PLEKHD1: variants seen among roughly 807,000 people sequenced by gnomAD.
The protein encoded by PLEKHD1 is pleckstrin homology and coiled-coil domain containing D1, also known as pleckstrin homology domain-containing family D member 1.
Under a neutral mutation model 69.2 loss-of-function variants are expected in PLEKHD1, and 51 were observed. That is an observed-to-expected ratio of 0.74 (90% CI 0.59 to 0.93). The LOEUF (loss-of-function observed/expected upper bound fraction) is 0.93, where lower values mean the gene tolerates loss of function less well. Ranked by LOEUF, PLEKHD1 falls within the 40% of genes least tolerant of loss-of-function variation. The pLI is 0.00. For missense variants in PLEKHD1, 584 were observed against 641.0 expected (o/e 0.91, Z 0.96); for synonymous variants, 236 against 244.7 (o/e 0.96, Z 0.33).
At chr14:69,503,089 G>A in intron 6 of PLEKHD1, 2 of 575,720 alleles carry the variant, frequency 3.5e-6, no homozygotes, top group Non-Finnish European at 6.2e-6. Context: ...CAACCCCTGG[G>A]AGTAAAGTGA....
intron 6 of PLEKHD1, among the ~76,000 whole-genome samples, chr14:69,511,064 G>C (rs896214175): frequency 6.6e-6 from 1 of 152,140 alleles, no homozygotes; most frequent in South Asian, 2.1e-4. Flanking sequence ...TTCAAATATT[G>C]AACCAGCCTT....
At chr14:69,516,021 TATTTA>T (rs1883377204) in intron 6 of PLEKHD1, among the ~76,000 whole-genome samples, 1 of 152,266 alleles carries the variant, frequency 6.6e-6, no homozygotes, top group Non-Finnish European at 1.5e-5. Context: ...AAATTTATTT[TATTTA>T]GAGACAGGGT....
intron 6 of PLEKHD1, among the ~76,000 whole-genome samples, chr14:69,513,471 C>A (rs1004179530): frequency 1.3e-5 from 2 of 152,068 alleles, no homozygotes; most frequent in East Asian, 1.9e-4. Context: ...CTTATTTGAA[C>A]GCAGTTTGGA....
intron 6 of PLEKHD1, among the ~76,000 whole-genome samples, chr14:69,511,522 C>T (rs185921721): frequency 2.6e-5 from 4 of 152,078 alleles, no homozygotes; most frequent in Admixed American, 1.3e-4. Context: ...ATGAAAGATA[C>T]TGGTCTGTAG....
intron 1 of PLEKHD1, among the ~76,000 whole-genome samples, chr14:69,498,709 G>A (rs1308379035): frequency 8.0e-5 from 12 of 150,222 alleles, no homozygotes; most frequent in East Asian, 2.0e-4. Context: ...GTGCAGTGGC[G>A]TGATCTTGGC....
chr14:69,522,829 A>G (rs1883549633), intron 7 of PLEKHD1, among the ~76,000 whole-genome samples: 1 of 152,136 alleles, frequency 6.6e-6, no homozygotes, highest in Non-Finnish European at 1.5e-5. Context: ...CATTATAATC[A>G]TCTACTGAAT....
the PLEKHD1 span, among the ~76,000 whole-genome samples, chr14:69,471,790 C>T: frequency 5.9e-5 from 9 of 152,160 alleles, no homozygotes; most frequent in East Asian, 3.9e-4. Flanking sequence ...AGTATTTGGC[C>T]GAGAGATGTC....
rs2139508048 is a variant in PLEKHD1, at chr14:69,502,821, T to G, written c.503-6T>G. ...TGCATGTGTGTGTGTGTGCTTGTTTTGGCAGACAAACTGATGGAAGAGACC... is the reference window on the plus strand; with the variant it reads ...TGCATGTGTGTGTGTGTGCTTGTTTGGGCAGACAAACTGATGGAAGAGACC... On this transcript the variant is annotated splice_region_variant and splice_polypyrimidine_tract_variant and intron_variant, in intron 5 of 12. Transcript: ENST00000322564. 1 of 1,551,594 alleles carries G rather than the reference T, an allele frequency of 6.4e-7. No individual in the cohort carries two copies. Among genetic ancestry groups the G allele is most frequent in the East Asian group, 2.4e-5 (1 of 40,918 alleles).
the PLEKHD1 span, among the ~76,000 whole-genome samples, chr14:69,470,642 A>C: frequency 2.6e-5 from 4 of 152,326 alleles, no homozygotes; most frequent in South Asian, 8.3e-4. Context: ...TGGAAGAAAG[A>C]AAGCATTAAC....
intron 6 of PLEKHD1, among the ~76,000 whole-genome samples, chr14:69,514,465 T>C (rs1416927055): frequency 1.3e-5 from 2 of 152,238 alleles, no homozygotes; most frequent in Admixed American, 6.5e-5. Flanking sequence ...TATCCATCTG[T>C]TCTTGCATGT....
At chr14:69,524,846 T>A (rs77797979) in intron 8 of PLEKHD1, among the ~76,000 whole-genome samples, 5,719 of 152,136 alleles carry the variant, frequency 0.038, 267 homozygotes, top group African/African-American at 0.11. Flanking sequence ...GGTCTCCCCT[T>A]CCCTCTCGCC....
the PLEKHD1 span, among the ~76,000 whole-genome samples, chr14:69,471,090 CTTTTTTTTTTTTTTTT>C: frequency 1.7e-3 from 78 of 44,762 alleles, no homozygotes; most frequent in African/African-American, 6.0e-3. Context: ...CGTGCCTGGC[CTTTTTTTTTTTTTTTT>C]TTTTTTTTTT....
At chr14:69,499,227 A>G (rs1344699274) in intron 1 of PLEKHD1, among the ~76,000 whole-genome samples, 5 of 1,122 alleles carry the variant, frequency 4.5e-3, no homozygotes, top group Admixed American at 0.01. Flanking sequence ...TCATACGTGC[A>G]CACACACACA....
At chr14:69,487,443 G>A (rs757978038) in intron 1 of PLEKHD1, among the ~76,000 whole-genome samples, 1 of 152,244 alleles carries the variant, frequency 6.6e-6, no homozygotes, top group African/African-American at 2.4e-5. Context: ...TTGCCATTAG[G>A]GCGATCAATG....
At chr14:69,503,006 G>T (rs906006080) in intron 6 of PLEKHD1, 127 bp downstream of exon 6, 82 of 1,101,896 alleles carry the variant, frequency 7.4e-5, no homozygotes, top group Admixed American at 5.2e-4. Flanking sequence ...GCAGGGCGGG[G>T]AGGCCAAATG....
rs998346208 is a variant in PLEKHD1, at chr14:69,531,545, G to T, written c.*3126G>T. Reference sequence around the variant, plus strand: ...TGGCCAATTAAATGCATTTCCTGCAGTATCTATTTAAGTATGTGGTGTGGT... The same window carrying T: ...TGGCCAATTAAATGCATTTCCTGCATTATCTATTTAAGTATGTGGTGTGGT... On this transcript the variant is annotated 3_prime_UTR_variant, in exon 13 of 13. Coordinates refer to ENST00000322564, the MANE Select transcript of PLEKHD1 (RefSeq NM_001161498.2). The T allele has an allele frequency of 6.6e-6, 1 of 152,192 alleles. No homozygotes were observed. The highest frequency in any genetic ancestry group is 1.5e-5 in the Non-Finnish European group (1 of 68,040). 9.4% of individuals were successfully genotyped at this position (152,192 alleles called of 1,614,324 possible). A position where few individuals can be genotyped will look rare whatever the true frequency, so the allele number is the denominator to read the frequency against.
At chr14:69,526,657 G>T (rs750144374) in intron 9 of PLEKHD1, 40 bp from the exon 10 acceptor site, 70 of 1,451,946 alleles carry the variant, frequency 4.8e-5, no homozygotes, top group Non-Finnish European at 3.1e-5. Context: ...ATCCCATTTG[G>T]CGAGTGAGCA....
Position 69,526,879 on chromosome 14 carries a change from C to G in PLEKHD1, c.1056+50C>G, listed in dbSNP as rs746222730. On this transcript the variant is annotated intron_variant, in intron 10 of 12. Transcript: ENST00000322564. ...GGGCCCTTCCCCTTCCCTGGAGACTCCCCTTCCACCCCTGCACTTTACCGG... is the reference window on the plus strand; with the variant it reads ...GGGCCCTTCCCCTTCCCTGGAGACTGCCCTTCCACCCCTGCACTTTACCGG... 4.7e-6 allele frequency: 7 copies of G among 1,475,806 alleles called. No individual in the cohort carries two copies. The African/African-American group carries it at 8.5e-5, about 18-fold the overall frequency. 91.4% of individuals were successfully genotyped at this position (1,475,806 alleles called of 1,614,324 possible).
chr14:69,527,785 T>C lies in PLEKHD1; in HGVS notation c.1204T>C (p.Phe402Leu), dbSNP rs1277712129. Reference protein sequence around the residue: ...MRADVSHLKRFFEECIRNAEL... With the variant: ...MRADVSHLKRLFEECIRNAEL... The stretch of plus-strand genomic sequence containing the variant: ...CCTTCCTGGCCCTGCCGCCACAGGG[T>C]TCTTTGAGGAGTGCATCCGGAATGC... Residue 402 changes from phenylalanine to leucine, a missense_variant and splice_region_variant, in exon 12 of 13, where the codon TTC (phenylalanine) becomes CTC (leucine). By Grantham distance (22) the Phe-to-Leu change is conservative. Transcript: ENST00000322564. The C allele has an allele frequency of 6.4e-7, 1 of 1,551,136 alleles. No individual in the cohort carries two copies. Among genetic ancestry groups the C allele is most frequent in the African/African-American group, 1.4e-5 (1 of 72,974 alleles).
Sources: gnomAD v4.1 joint callset for allele counts (sites outside exome capture counted in the v4.1 genomes callset) on GRCh38, gnomAD v4.1.1 for gene constraint, MANE v1.5 for transcripts, NCBI Gene and HGNC (gene_info 2026-07-23, HGNC 2026-07-21) for gene names.